NBAS: variants seen among roughly 807,000 people sequenced by gnomAD.
NBAS encodes the protein NAG/BC035112 fusion.
Under a neutral mutation model 302.5 loss-of-function variants are expected in NBAS, and 219 were observed. That is an observed-to-expected ratio of 0.72 (90% CI 0.65 to 0.81). The LOEUF is 0.81. Ranked by LOEUF, NBAS falls within the 30% of genes least tolerant of loss-of-function variation. NBAS has a pLI of 0.00. For synonymous variants in NBAS, 1,118 were observed against 1,021.6 expected, an observed-to-expected ratio of 1.09 and a Z score of -1.80; for missense variants, 2,932 against 2,841.6, an observed-to-expected ratio of 1.03 and a Z score of -0.72.
chr2:14,920,080 A>G, the NBAS span, among the ~76,000 whole-genome samples: 1 of 152,200 alleles, frequency 6.6e-6, no homozygotes, highest in Non-Finnish European at 1.5e-5. Context: ...CTTATGAAAT[A>G]TATTTCCCAA....
chr2:15,233,301 C>G (rs186079877), intron 46 of NBAS, among the ~76,000 whole-genome samples: 25 of 152,146 alleles, frequency 1.6e-4, no homozygotes, highest in Admixed American at 1.2e-3. Context: ...CCAAGTATAC[C>G]ATTTATTGGA....
At chr2:15,208,511 A>G (rs1034004491) in intron 48 of NBAS, among the ~76,000 whole-genome samples, 3 of 152,226 alleles carry the variant, frequency 2.0e-5, no homozygotes, top group African/African-American at 7.2e-5. Flanking sequence ...CAGAAAATCA[A>G]CGAAGAAACA....
At chr2:15,303,600 G>C (rs1030016233) in intron 40 of NBAS, among the ~76,000 whole-genome samples, 2 of 151,996 alleles carry the variant, frequency 1.3e-5, no homozygotes, top group Non-Finnish European at 2.9e-5. Context: ...GTGTGAATTT[G>C]GAAAGAGTGG....
At chr2:15,531,585 GGGT>G (rs1663217600) in intron 9 of NBAS, among the ~76,000 whole-genome samples, 1 of 152,170 alleles carries the variant, frequency 6.6e-6, no homozygotes, top group African/African-American at 2.4e-5. Context: ...GTTACCAGGT[GGGT>G]CTTACTATAG....
chr2:15,338,712 T>C (rs1356313643), intron 35 of NBAS, among the ~76,000 whole-genome samples: 2 of 70,908 alleles, frequency 2.8e-5, no homozygotes, highest in African/African-American at 4.1e-5. Flanking sequence ...CACACACACA[T>C]CAAATTAGGT....
chr2:15,367,199 A>G (rs1674253426), intron 31 of NBAS, among the ~76,000 whole-genome samples: 1 of 152,036 alleles, frequency 6.6e-6, no homozygotes, highest in African/African-American at 2.4e-5. Flanking sequence ...CATAAGCCCA[A>G]TTTTCTCACA....
chr2:14,901,363 T>C, the NBAS span, among the ~76,000 whole-genome samples: 1 of 151,402 alleles, frequency 6.6e-6, no homozygotes, highest in African/African-American at 2.4e-5. Flanking sequence ...AGTTTAGTAA[T>C]AAAAAAGAAT....
chr2:15,374,591 G>T lies in NBAS; in HGVS notation c.3703+17C>A. On this transcript the variant is annotated intron_variant, in intron 31 of 51. Transcript: ENST00000281513. ...AATATAAGTTAGTAACAATGCAACA[G>T]TAAGTAGAAAACTCACCTTGCAAAG... The T allele has an allele frequency of 2.5e-6, 4 of 1,587,896 alleles. No homozygotes were observed. Among genetic ancestry groups the T allele is most frequent in the Non-Finnish European group, 3.5e-6 (4 of 1,156,338 alleles).
At chr2:15,468,872 A>G (rs1488492708) in intron 16 of NBAS, among the ~76,000 whole-genome samples, 1 of 152,236 alleles carries the variant, frequency 6.6e-6, no homozygotes, top group Non-Finnish European at 1.5e-5. Flanking sequence ...TAGAGCAGAC[A>G]ATAAGGCAGA....
chr2:15,024,750 T>C, the NBAS span, among the ~76,000 whole-genome samples: 117,265 of 152,168 alleles, frequency 0.77, 45,456 homozygotes, highest in East Asian at 1. Flanking sequence ...TGCTTTTTGG[T>C]TGCATGTATG....
intron 21 of NBAS, among the ~76,000 whole-genome samples, chr2:15,456,150 T>G (rs560419632): frequency 6.6e-6 from 1 of 152,368 alleles, no homozygotes; most frequent in African/African-American, 2.4e-5. Flanking sequence ...TTACAAAACT[T>G]GGTCACATTT....
chr2:14,793,068 TTC>T, the NBAS span, among the ~76,000 whole-genome samples: 64,567 of 146,874 alleles, frequency 0.44, 13,848 homozygotes, highest in African/African-American at 0.53. Flanking sequence ...CTGTCTCTGT[TTC>T]TCTCTCTCTC....
intron 9 of NBAS, among the ~76,000 whole-genome samples, chr2:15,518,288 C>A (rs1662501853): frequency 6.6e-6 from 1 of 152,068 alleles, no homozygotes; most frequent in Non-Finnish European, 1.5e-5. Flanking sequence ...GGGACTGGGA[C>A]TTACTACTAA....
the NBAS span, among the ~76,000 whole-genome samples, chr2:14,943,879 G>A: frequency 6.6e-6 from 1 of 151,904 alleles, no homozygotes; most frequent in Non-Finnish European, 1.5e-5. Flanking sequence ...TGCAAGCACA[G>A]CAAACAAGGA....
chr2:15,157,455 C>T, the NBAS span, among the ~76,000 whole-genome samples: 1 of 152,312 alleles, frequency 6.6e-6, no homozygotes, highest in African/African-American at 2.4e-5. Flanking sequence ...GCAACTTCCA[C>T]AGCTCCCAGT....
At chr2:15,263,879 C>A (rs1668958553) in intron 44 of NBAS, among the ~76,000 whole-genome samples, 1 of 152,220 alleles carries the variant, frequency 6.6e-6, no homozygotes, top group African/African-American at 2.4e-5. Context: ...CCTGCGATAG[C>A]TGCAATTTTA....
At chr2:14,864,321 A>G in the NBAS span, among the ~76,000 whole-genome samples, 1 of 112,614 alleles carries the variant, frequency 8.9e-6, no homozygotes, top group African/African-American at 4.5e-5. Flanking sequence ...GCTCCATCTC[A>G]AAAAAAAAAA....
intron 6 of NBAS, among the ~76,000 whole-genome samples, chr2:15,547,703 C>A (rs1305102864): frequency 6.6e-6 from 1 of 152,118 alleles, no homozygotes; most frequent in African/African-American, 2.4e-5. Flanking sequence ...CTATCTTAGG[C>A]CCCCCAAGCT....
At position 15,475,681 on chromosome 2, in the gene NBAS, C is replaced by G; in HGVS notation, c.1341+6G>C. 1 of 1,613,682 alleles carries G rather than the reference C, an allele frequency of 6.2e-7. No homozygotes were observed. The highest frequency in any genetic ancestry group is 1.7e-4 in the Middle Eastern group (1 of 6,060). On this transcript the variant is annotated splice_donor_region_variant and intron_variant, in intron 14 of 51. Coordinates refer to ENST00000281513, the MANE Select transcript of NBAS (RefSeq NM_015909.4). ...CTATTCTCAAACAAACAGGAAAAAG[C>G]CTTACCTCCAAACTTAAAAATCCCC... is the stretch of plus-strand genomic sequence containing the variant.
Sources: allele counts gnomAD v4.1 joint callset (sites outside exome capture counted in the v4.1 genomes callset), GRCh38; gene constraint gnomAD v4.1.1; transcripts MANE v1.5; gene names NCBI Gene and HGNC (gene_info 2026-07-23, HGNC 2026-07-21).